CPA6: variants seen among roughly 807,000 people sequenced by gnomAD.
CPA6 encodes the protein carboxypeptidase A6, also known as carboxypeptidase B.
CPA6 carries 58 observed loss-of-function variants against 63.3 expected under a neutral mutation model. The observed-to-expected ratio is 0.92, with a 90% CI of 0.74 to 1.14. The LOEUF (loss-of-function observed/expected upper bound fraction) is 1.14. CPA6 is among the 50% of genes most tolerant of loss of function. CPA6 has a pLI of 0.00. For missense variants in CPA6, 565 were observed against 526.6 expected (o/e 1.07, Z -0.71); for synonymous variants, 185 against 179.0 (o/e 1.03, Z -0.27).
intron 1 of CPA6, among the ~76,000 whole-genome samples, chr8:67,733,208 A>T (rs1563412903): frequency 6.5e-5 from 9 of 137,568 alleles, no homozygotes; most frequent in South Asian, 4.7e-4. Context: ...AAAAAAAAAA[A>T]AAAAAAAAAA....
chr8:67,441,130 A>T (rs1587427702), intron 8 of CPA6, among the ~76,000 whole-genome samples: 1 of 152,318 alleles, frequency 6.6e-6, no homozygotes, highest in African/African-American at 2.4e-5. Context: ...GACACTGTTT[A>T]TCTTGCAAGA....
At chr8:67,441,571 A>G (rs932182159) in intron 8 of CPA6, among the ~76,000 whole-genome samples, 1 of 152,232 alleles carries the variant, frequency 6.6e-6, no homozygotes, top group Non-Finnish European at 1.5e-5. Flanking sequence ...TTATCCTACC[A>G]GGTATTAAAA....
intron 2 of CPA6, among the ~76,000 whole-genome samples, chr8:67,534,348 G>T (rs1387077676): frequency 1.3e-5 from 2 of 152,148 alleles, no homozygotes; most frequent in Admixed American, 1.3e-4. Context: ...GCTCAGAGAA[G>T]GGATCAAGGT....
intron 1 of CPA6, among the ~76,000 whole-genome samples, chr8:67,725,153 A>T (rs1333913318): frequency 6.6e-6 from 1 of 152,230 alleles, no homozygotes; most frequent in Non-Finnish European, 1.5e-5. Flanking sequence ...TTGAATGAGT[A>T]AAGAAAAACC....
chr8:67,746,263 G>A lies in CPA6; in HGVS notation c.-134C>T. 1 of 521,740 alleles carries A rather than the reference G, an allele frequency of 1.9e-6. No homozygotes were observed. The highest frequency in any genetic ancestry group is 1.9e-5 in the African/African-American group (1 of 52,664). 32.3% of individuals were successfully genotyped at this position (521,740 alleles called of 1,614,324 possible). The stretch of plus-strand genomic sequence containing the variant: ...GAGGAAGGTTGAGAGTGAGCAAAAT[G>A]TGACACTTCTCTCCAGCTACAAGGG... On this transcript the variant is annotated 5_prime_UTR_variant, in exon 1 of 11. Transcript: ENST00000297770.
At chr8:67,670,237 C>T (rs79068595) in intron 1 of CPA6, among the ~76,000 whole-genome samples, 14,234 of 152,162 alleles carry the variant, frequency 0.094, 1,258 homozygotes, top group African/African-American at 0.23. Context: ...AACATAATGG[C>T]TTCTGGGGAG....
intron 6 of CPA6, among the ~76,000 whole-genome samples, chr8:67,492,866 G>T (rs1341378034): frequency 6.6e-6 from 1 of 152,132 alleles, no homozygotes; most frequent in Non-Finnish European, 1.5e-5. Context: ...TATGTTCAAG[G>T]CATTATAAAT....
At chr8:67,648,280 C>G (rs1265979619) in intron 1 of CPA6, among the ~76,000 whole-genome samples, 1 of 43,460 alleles carries the variant, frequency 2.3e-5, no homozygotes, top group Admixed American at 2.4e-4. Flanking sequence ...TTTTTTTTTG[C>G]TAGACCTTCT....
At position 67,739,944 on chromosome 8, in the gene CPA6, G is replaced by A. The variant is rs779616246; in HGVS notation, c.116+6070C>T. ...CAAAAAGTCTTATATGTGGCTGGTG[G>A]TCATTACAAGGGAGAGGAGAGTACA... On this transcript the variant is annotated intron_variant, in intron 1 of 10. Coordinates refer to ENST00000297770, the MANE Select transcript of CPA6 (RefSeq NM_020361.5). 5.3e-5 allele frequency among the ~76,000 whole-genome samples: 8 copies of A among 152,296 alleles called. No homozygotes were observed. The East Asian group carries it at 7.7e-4, about 15-fold the overall frequency.
intron 2 of CPA6, among the ~76,000 whole-genome samples, chr8:67,546,834 T>C (rs971974024): frequency 6.6e-6 from 1 of 152,066 alleles, no homozygotes; most frequent in Admixed American, 6.6e-5. Flanking sequence ...ATTTACTTTA[T>C]CTTTTTTCTG....
chr8:67,555,855 A>G (rs542788565), intron 2 of CPA6, among the ~76,000 whole-genome samples: 1 of 152,338 alleles, frequency 6.6e-6, no homozygotes, highest in African/African-American at 2.4e-5. Context: ...AGGAAAAACC[A>G]TACGCATATT....
At chr8:67,433,735 C>T (rs142325086) in intron 9 of CPA6, among the ~76,000 whole-genome samples, 4 of 152,310 alleles carry the variant, frequency 2.6e-5, no homozygotes, top group African/African-American at 4.8e-5. Flanking sequence ...AGCAGCACTA[C>T]GGTTAAAAGC....
At chr8:67,453,504 T>C (rs1810602295) in intron 8 of CPA6, among the ~76,000 whole-genome samples, 1 of 152,096 alleles carries the variant, frequency 6.6e-6, no homozygotes, top group Non-Finnish European at 1.5e-5. Flanking sequence ...ATAGATATGA[T>C]ATATGGAGCT....
rs573670946 is a variant in CPA6 at position 67,539,222 on chromosome 8, T to C, written c.193-21175A>G. On this transcript the variant is annotated intron_variant, in intron 2 of 10. Transcript: ENST00000297770. ...TGACAAAGTGCCCAGAGTTTACTTG[T>C]CTGTAAAGGATTTTATTTCTCCTTC... is the stretch of plus-strand genomic sequence containing the variant. Among the ~76,000 whole-genome samples the C allele has an allele frequency of 2.6e-5, 4 of 152,314 alleles. No individual in the cohort carries two copies. In the East Asian group the frequency reaches 7.7e-4, roughly 29 times the overall value.
At chr8:67,692,245 A>G (rs940324523) in intron 1 of CPA6, among the ~76,000 whole-genome samples, 7 of 150,836 alleles carry the variant, frequency 4.6e-5, no homozygotes, top group African/African-American at 1.7e-4. Flanking sequence ...CTGAGGCAGG[A>G]GAATCGCTTG....
chr8:67,612,547 G>A (rs1278457854), intron 2 of CPA6, among the ~76,000 whole-genome samples: 2 of 152,194 alleles, frequency 1.3e-5, no homozygotes, highest in Non-Finnish European at 2.9e-5. Flanking sequence ...TATTCAAAAT[G>A]TAACTGGAAT....
At chr8:67,582,961 C>T (rs144026502) in intron 2 of CPA6, among the ~76,000 whole-genome samples, 210 of 151,872 alleles carry the variant, frequency 1.4e-3, no homozygotes, top group African/African-American at 4.4e-3. Context: ...GGTGGCATGA[C>T]GGTTGTTTTT....
intron 1 of CPA6, among the ~76,000 whole-genome samples, chr8:67,646,752 G>A (rs1428062836): frequency 6.6e-6 from 1 of 152,146 alleles, no homozygotes; most frequent in Non-Finnish European, 1.5e-5. Context: ...GGAGCCTGCA[G>A]GGGAAGATTT....
intron 1 of CPA6, among the ~76,000 whole-genome samples, chr8:67,741,923 C>A (rs1055241429): frequency 3.3e-5 from 5 of 152,168 alleles, no homozygotes; most frequent in African/African-American, 1.2e-4. Context: ...CAAAACCAGT[C>A]CCTGTTGCCA....
Sources: gnomAD v4.1 joint callset for allele counts (sites outside exome capture counted in the v4.1 genomes callset) on GRCh38, gnomAD v4.1.1 for gene constraint, MANE v1.5 for transcripts, NCBI Gene and HGNC (gene_info 2026-07-23, HGNC 2026-07-21) for gene names.